FER1L6: variants seen among roughly 807,000 people sequenced by gnomAD.
FER1L6 encodes fer-1-like protein 6.
Under a neutral mutation model 219.2 loss-of-function variants are expected in FER1L6, and 177 were observed. The observed-to-expected ratio is 0.81, with a 90% CI of 0.71 to 0.91. The LOEUF is 0.91. Among genes scored for constraint, FER1L6 ranks in the 40% least tolerant of loss-of-function variants. The probability of loss-of-function intolerance (pLI) is 0.00; values close to 1 mark genes in which losing one functional copy is unlikely to be tolerated. For missense variants in FER1L6, 2,153 were observed against 2,259.9 expected, an observed-to-expected ratio of 0.95 and a Z score of 0.96; for synonymous variants, 768 against 824.3, an observed-to-expected ratio of 0.93 and a Z score of 1.17.
intron 13 of FER1L6, among the ~76,000 whole-genome samples, chr8:124,005,381 A>G (rs1817610555): frequency 6.6e-6 from 1 of 152,226 alleles, no homozygotes; most frequent in Non-Finnish European, 1.5e-5. Context: ...TCCAAACTGC[A>G]GTGCCCCATG....
intron 17 of FER1L6, among the ~76,000 whole-genome samples, chr8:124,023,110 T>C (rs183174361): frequency 0.024 from 3,635 of 152,180 alleles, 55 homozygotes; most frequent in South Asian, 0.062. Flanking sequence ...AGAGATGTGG[T>C]TTCACCATAC....
At chr8:124,109,934 C>T (rs897510384) in intron 39 of FER1L6, among the ~76,000 whole-genome samples, 2 of 152,184 alleles carry the variant, frequency 1.3e-5, no homozygotes, top group South Asian at 2.1e-4. Context: ...CAGCAGTGGT[C>T]AGACCACACG....
At chr8:124,107,258 A>G (rs1822820878) in intron 39 of FER1L6, among the ~76,000 whole-genome samples, 1 of 152,100 alleles carries the variant, frequency 6.6e-6, no homozygotes. Flanking sequence ...AAGAGATTAT[A>G]AGGTTTCCTT....
intron 23 of FER1L6, 90 bp downstream of exon 23, chr8:124,060,380 G>A (rs1351587907): frequency 2.3e-5 from 33 of 1,437,650 alleles, no homozygotes; most frequent in African/African-American, 7.0e-5. Context: ...TGGAATGGGC[G>A]GGAGACCTAG....
At chr8:123,912,991 G>T (rs1813083725) in intron 1 of FER1L6, among the ~76,000 whole-genome samples, 1 of 152,166 alleles carries the variant, frequency 6.6e-6, no homozygotes, top group African/African-American at 2.4e-5. Flanking sequence ...GGTGAATGTG[G>T]TAACTGTCAT....
Position 124,069,463 on chromosome 8 carries a change from G to A in FER1L6, c.3822G>A (p.Leu1274=), listed in dbSNP as rs1157455969. Residue 1274 remains leucine (L), a synonymous_variant, in exon 29 of 41, where the codon CTG becomes CTA. Transcript: ENST00000522917. ...CCAAAGATGATGGAATCCCCAACCTGGCCATCTTGCAGGTATGTGGGGACA... is the reference window on the plus strand; with the variant it reads ...CCAAAGATGATGGAATCCCCAACCTAGCCATCTTGCAGGTATGTGGGGACA... ...KKPKDDGIPN[L]AILQIYDGDL... is the part of the protein sequence containing the mutation. The A allele has an allele frequency of 1.9e-6, 3 of 1,608,440 alleles. No individual in the cohort carries two copies. The highest frequency in any genetic ancestry group is 2.5e-6 in the Non-Finnish European group (3 of 1,178,232).
At chr8:123,875,842 C>A (rs1463436321) in intron 1 of FER1L6, among the ~76,000 whole-genome samples, 1 of 152,212 alleles carries the variant, frequency 6.6e-6, no homozygotes, top group Non-Finnish European at 1.5e-5. Flanking sequence ...CCTGCAGGCT[C>A]TCCCTTCAGA....
rs576063334 is a variant in FER1L6 at position 123,875,960 on chromosome 8, T to C, written c.-8+23775T>C. On this transcript the variant is annotated intron_variant, in intron 1 of 40. Coordinates refer to ENST00000522917, the MANE Select transcript of FER1L6 (RefSeq NM_001039112.2). ...CTCCTGTTTCATACCTTCTCCTCTA[T>C]AGTATTCTCCCATCAGAATTCAGAA... Among the ~76,000 whole-genome samples, 26 of 152,342 alleles carry C rather than the reference T, an allele frequency of 1.7e-4. No individual in the cohort carries two copies. In the South Asian group the frequency reaches 5.4e-3, roughly 32 times the overall value.
At chr8:123,965,082 G>C (rs998316923) in intron 3 of FER1L6, among the ~76,000 whole-genome samples, 2 of 152,126 alleles carry the variant, frequency 1.3e-5, no homozygotes, top group African/African-American at 2.4e-5. Flanking sequence ...TTTCTTACCT[G>C]CATTGTCTCC....
At chr8:123,874,981 C>A (rs749644623) in intron 1 of FER1L6, among the ~76,000 whole-genome samples, 2 of 151,946 alleles carry the variant, frequency 1.3e-5, no homozygotes, top group Non-Finnish European at 2.9e-5. Flanking sequence ...CAGATCATGA[C>A]GTCAAGAGAT....
chr8:123,959,657 C>A (rs370168101), intron 2 of FER1L6, among the ~76,000 whole-genome samples: 2 of 152,094 alleles, frequency 1.3e-5, no homozygotes, highest in Non-Finnish European at 2.9e-5. Flanking sequence ...TTAAAATCAG[C>A]GAACCAAAAT....
intron 1 of FER1L6, among the ~76,000 whole-genome samples, chr8:123,882,991 G>A (rs1316580147): frequency 6.6e-6 from 1 of 152,182 alleles, no homozygotes; most frequent in East Asian, 1.9e-4. Context: ...GGTTGGGGGT[G>A]TGTAGGAACT....
Position 124,039,943 on chromosome 8 carries a change from C to T in FER1L6, c.2526C>T (p.Asp842=). 6.2e-7 allele frequency: 1 copy of T among 1,614,160 alleles called. No individual in the cohort carries two copies. Among genetic ancestry groups the T allele is most frequent in the Non-Finnish European group, 8.5e-7 (1 of 1,180,010 alleles). Residue 842 remains aspartate, a synonymous_variant, in exon 20 of 41, where the codon GAC becomes GAT. Transcript: ENST00000522917. ...AAGCCCGGGGCCTCATCGCAGCTGA[C>T]AGCAATGGACTTTCAGACCCTTTTG... is the stretch of plus-strand genomic sequence containing the variant. ...MYQARGLIAA[D]SNGLSDPFAK...
Position 124,013,476 on chromosome 8 carries a change from G to A in FER1L6, c.1867G>A (p.Glu623Lys), listed in dbSNP as rs1314417255. ...EVRELIKISQEAPEEKMKTVL... is the reference protein window; with the variant it reads ...EVRELIKISQKAPEEKMKTVL... ...GAGAGAATTGATCAAGATTTCACAG[G>A]AGGCACCTGAAGAGAAAATGAAAAC... Residue 623 changes from glutamate to lysine, a missense_variant, in exon 15 of 41, where the codon GAG becomes AAG. By Grantham distance (56) the Glu-to-Lys change is moderately conservative. Coordinates refer to ENST00000522917, the MANE Select transcript of FER1L6 (RefSeq NM_001039112.2). 3.1e-6 allele frequency: 5 copies of A among 1,610,140 alleles called. No homozygotes were observed. Among genetic ancestry groups the A allele is most frequent in the Non-Finnish European group, 4.2e-6 (5 of 1,179,028 alleles).
intron 39 of FER1L6, among the ~76,000 whole-genome samples, chr8:124,116,858 C>A (rs35356207): frequency 0.24 from 36,030 of 152,092 alleles, 5,311 homozygotes; most frequent in Non-Finnish European, 0.32. Context: ...GAGTTTTGGA[C>A]TTATTTCTTG....
chr8:124,067,812 C>T lies in FER1L6; in HGVS notation c.3718+6C>T, dbSNP rs1335455440. On this transcript the variant is annotated splice_donor_region_variant and intron_variant, in intron 28 of 40. Transcript: ENST00000522917. ...GGGAAAAAAAGGCAATACAGGTAAG[C>T]AGTTATTCTGGGGACATTTGTCCAT... 1 of 1,611,570 alleles carries T rather than the reference C, an allele frequency of 6.2e-7. No homozygotes were observed. The highest frequency in any genetic ancestry group is 1.7e-5 in the Admixed American group (1 of 60,022).
At chr8:123,988,901 C>T (rs545472730) in intron 12 of FER1L6, among the ~76,000 whole-genome samples, 64 of 152,242 alleles carry the variant, frequency 4.2e-4, no homozygotes, top group African/African-American at 1.5e-3. Flanking sequence ...TTTTCTTCTT[C>T]CAGATCTTAA....
At position 123,866,771 on chromosome 8, in the gene FER1L6, C is replaced by T. The variant is rs537154695; in HGVS notation, c.-8+14586C>T. Among the ~76,000 whole-genome samples the T allele has an allele frequency of 2.4e-4, 36 of 152,224 alleles. 1 individual carries two copies. The South Asian group carries it at 7.3e-3, about 31-fold the overall frequency. On this transcript the variant is annotated intron_variant, in intron 1 of 40. Coordinates refer to ENST00000522917, the MANE Select transcript of FER1L6 (RefSeq NM_001039112.2). ...TAGTGAGGACCACAGGTGCCTGTGA[C>T]CATACCTGGCTAATTTTTGAATTTT... is the stretch of plus-strand genomic sequence containing the variant.
rs61165927 is a variant in FER1L6 at position 123,867,895 on chromosome 8, C to T, written c.-8+15710C>T. On this transcript the variant is annotated intron_variant, in intron 1 of 40. Coordinates refer to ENST00000522917, the MANE Select transcript of FER1L6 (RefSeq NM_001039112.2). ...CCAGCATCCAGATCAAGATGCAGAA[C>T]ATCAGCATCACCTATGAGGTCCTGT... 8.9e-3 allele frequency among the ~76,000 whole-genome samples: 1,356 copies of T among 152,302 alleles called. 23 individuals carry two copies. The highest frequency in any genetic ancestry group is 0.031 in the African/African-American group (1,285 of 41,550).
Sources: gnomAD v4.1 joint callset for allele counts (sites outside exome capture counted in the v4.1 genomes callset) on GRCh38, gnomAD v4.1.1 for gene constraint, MANE v1.5 for transcripts, NCBI Gene and HGNC (gene_info 2026-07-23, HGNC 2026-07-21) for gene names.